PTPRD: variants seen among roughly 807,000 people sequenced by gnomAD.
PTPRD encodes receptor-type tyrosine-protein phosphatase delta.
In PTPRD, 34 loss-of-function variants were observed where a neutral mutation model predicts 214.5. That is an observed-to-expected ratio of 0.16 (90% confidence interval 0.12 to 0.21). The LOEUF is 0.21. Among genes scored for constraint, PTPRD ranks in the 10% least tolerant of loss-of-function variants. The pLI, the probability that PTPRD is intolerant of heterozygous loss-of-function variation, is 1.00. For synonymous variants in PTPRD, 1,128 were observed against 845.7 expected (o/e 1.33, Z -5.79); for missense variants, 2,545 against 2,398.7 (o/e 1.06, Z -1.27).
intron 7 of PTPRD, among the ~76,000 whole-genome samples, chr9:9,608,737 T>G (rs1357871629): frequency 1.3e-5 from 2 of 152,210 alleles, no homozygotes; most frequent in East Asian, 3.9e-4. Context: ...GCACACAAGC[T>G]AAAGGCACTT....
chr9:9,806,264 T>C (rs776234119), intron 5 of PTPRD, among the ~76,000 whole-genome samples: 2 of 150,546 alleles, frequency 1.3e-5, no homozygotes, highest in Non-Finnish European at 2.9e-5. Flanking sequence ...TAGTTGGTTG[T>C]AGACAGTGCC....
chr9:9,531,666 G>C (rs2075499528), intron 8 of PTPRD, among the ~76,000 whole-genome samples: 1 of 152,078 alleles, frequency 6.6e-6, no homozygotes, highest in East Asian at 1.9e-4. Context: ...AATTCAGTGG[G>C]TGATAGGCAT....
chr9:9,970,036 A>T (rs1000465210), intron 4 of PTPRD, among the ~76,000 whole-genome samples: 7 of 152,150 alleles, frequency 4.6e-5, no homozygotes, highest in Admixed American at 2.6e-4. Flanking sequence ...ACATGGGGAC[A>T]GTGGCACCTG....
chr9:8,661,275 G>T (rs1302831025), intron 12 of PTPRD, among the ~76,000 whole-genome samples: 1 of 151,992 alleles, frequency 6.6e-6, no homozygotes, highest in Admixed American at 6.6e-5. Context: ...CTTCATCATG[G>T]TCAATACACA....
At position 8,336,855 on chromosome 9, in the gene PTPRD, T is replaced by TCATC. The variant is rs566317098; in HGVS notation, c.5379+2066_5379+2067insGATG. ...GGCAGACAAACATATGAAAAAATGC[T>TCATC]ATCACTGGTCATTAGAGAAATGCAA... On this transcript the variant is annotated intron_variant, in intron 43 of 45. Coordinates refer to ENST00000381196, the MANE Select transcript of PTPRD (RefSeq NM_002839.4). 3.6e-4 allele frequency among the ~76,000 whole-genome samples: 54 copies of TCATC among 151,804 alleles called. No homozygotes were observed. The South Asian group carries it at 0.011, about 31-fold the overall frequency.
At chr9:10,432,080 A>G (rs1272494415) in intron 2 of PTPRD, among the ~76,000 whole-genome samples, 3 of 152,050 alleles carry the variant, frequency 2.0e-5, no homozygotes, top group Non-Finnish European at 4.4e-5. Flanking sequence ...TGTGGCACAT[A>G]TACAACATGG....
At position 9,322,400 on chromosome 9, in the gene PTPRD, G is replaced by A. The variant is rs140579991; in HGVS notation, c.-203+75049C>T. 8.7e-3 allele frequency among the ~76,000 whole-genome samples: 1,324 copies of A among 152,210 alleles called. 13 individuals are homozygous for A. The highest frequency in any genetic ancestry group is 0.012 in the Non-Finnish European group (802 of 68,004). ...TATTCATTATTGTACAAAAAAGAAC[G>A]CTAAAGTCCAGAGAGTTTAAATAAC... On this transcript the variant is annotated intron_variant, in intron 9 of 45. Transcript: ENST00000381196.
intron 9 of PTPRD, among the ~76,000 whole-genome samples, chr9:9,275,528 C>A (rs1276949477): frequency 4.0e-5 from 6 of 150,936 alleles, no homozygotes; most frequent in Non-Finnish European, 8.9e-5. Flanking sequence ...TGTTCTGCAA[C>A]AGGTTCCATT....
At chr9:9,133,186 C>A (rs573283236) in intron 10 of PTPRD, among the ~76,000 whole-genome samples, 18 of 152,220 alleles carry the variant, frequency 1.2e-4, no homozygotes, top group African/African-American at 4.3e-4. Flanking sequence ...CAGGGCCTAT[C>A]CTAAAACCAT....
At chr9:8,694,950 C>A (rs1246760533) in intron 12 of PTPRD, among the ~76,000 whole-genome samples, 1 of 152,136 alleles carries the variant, frequency 6.6e-6, no homozygotes, top group African/African-American at 2.4e-5. Context: ...CTATAGATAA[C>A]AGAACATCCT....
chr9:9,373,710 T>C (rs2060099999), intron 9 of PTPRD, among the ~76,000 whole-genome samples: 1 of 152,102 alleles, frequency 6.6e-6, no homozygotes, highest in Non-Finnish European at 1.5e-5. Flanking sequence ...CATTAGAGCC[T>C]ATCAGGATAA....
At chr9:9,964,963 T>C (rs573600515) in intron 4 of PTPRD, among the ~76,000 whole-genome samples, 106 of 152,284 alleles carry the variant, frequency 7.0e-4, no homozygotes, top group African/African-American at 2.4e-3. Flanking sequence ...AAGTAAAATA[T>C]GTTCATGCAA....
intron 14 of PTPRD, among the ~76,000 whole-genome samples, chr9:8,583,219 G>A (rs1186469741): frequency 6.6e-6 from 1 of 152,228 alleles, no homozygotes; most frequent in Non-Finnish European, 1.5e-5. Flanking sequence ...GCAGAGCTCA[G>A]GCCATAATGA....
At chr9:9,521,210 G>A (rs2096963398) in intron 8 of PTPRD, among the ~76,000 whole-genome samples, 1 of 152,076 alleles carries the variant, frequency 6.6e-6, no homozygotes, top group Non-Finnish European at 1.5e-5. Flanking sequence ...TGTGTGTACT[G>A]AACAAAGTCG....
At chr9:10,225,802 G>T (rs1344662575) in intron 3 of PTPRD, among the ~76,000 whole-genome samples, 1 of 151,972 alleles carries the variant, frequency 6.6e-6, no homozygotes, top group African/African-American at 2.4e-5. Context: ...TAATGTTCAT[G>T]GTTCTCAATG....
chr9:9,952,285 T>C (rs1314535068), intron 4 of PTPRD, among the ~76,000 whole-genome samples: 3 of 152,204 alleles, frequency 2.0e-5, no homozygotes, highest in Admixed American at 6.5e-5. Flanking sequence ...AGTGGAATTC[T>C]AGAATGTAAG....
At chr9:10,295,186 T>G (rs187871633) in intron 3 of PTPRD, among the ~76,000 whole-genome samples, 221 of 152,240 alleles carry the variant, frequency 1.5e-3, no homozygotes, top group African/African-American at 4.4e-3. Context: ...TAATGTTTTG[T>G]GCTATGTGCT....
rs530021709 is a variant in PTPRD, at chr9:9,048,693, A to G, written c.-142-29958T>C. Reference sequence around the variant, plus strand: ...GGCAGTGGCAGTGGGGCAGGTGGGGAGGTAGGGATGGTCTATTTTAAACAG... The same window carrying G: ...GGCAGTGGCAGTGGGGCAGGTGGGGGGGTAGGGATGGTCTATTTTAAACAG... On this transcript the variant is annotated intron_variant, in intron 10 of 45. Coordinates refer to ENST00000381196, the MANE Select transcript of PTPRD (RefSeq NM_002839.4). 2.0e-5 allele frequency among the ~76,000 whole-genome samples: 3 copies of G among 152,188 alleles called. No individual in the cohort carries two copies. In the South Asian group the frequency reaches 6.2e-4, roughly 32 times the overall value.
chr9:9,954,920 C>G (rs1453508766), intron 4 of PTPRD, among the ~76,000 whole-genome samples: 1 of 152,104 alleles, frequency 6.6e-6, no homozygotes, highest in Non-Finnish European at 1.5e-5. Flanking sequence ...ACAAACAAAA[C>G]TCAGTTTTAA....
Sources: allele counts gnomAD v4.1 joint callset (sites outside exome capture counted in the v4.1 genomes callset), GRCh38; gene constraint gnomAD v4.1.1; transcripts MANE v1.5; gene names NCBI Gene and HGNC (gene_info 2026-07-23, HGNC 2026-07-21).